Variants in SERPINB1 observed in about 807,000 individuals in gnomAD.
SERPINB1 encodes the protein serpin family B member 1, also known as leukocyte elastase inhibitor.
Under a neutral mutation model 25.9 loss-of-function variants are expected in SERPINB1, and 23 were observed. The observed-to-expected ratio is 0.89, with a 90% CI of 0.64 to 1.26. The LOEUF (loss-of-function observed/expected upper bound fraction) is 1.26. SERPINB1 is among the 50% of genes most tolerant of loss of function. SERPINB1 has a pLI of 0.00. For synonymous variants in SERPINB1, 178 were observed against 178.7 expected (o/e 1.00, Z 0.03); for missense variants, 399 against 463.6 (o/e 0.86, Z 1.28).
intron 1 of SERPINB1, among the ~76,000 whole-genome samples, chr6:2,840,863 A>G (rs1766629227): frequency 6.6e-6 from 1 of 152,042 alleles, no homozygotes; most frequent in African/African-American, 2.4e-5. Context: ...CAGACAGGTG[A>G]GTCTGGGGGT....
At chr6:2,835,023 C>A (rs1191951584) in intron 6 of SERPINB1, among the ~76,000 whole-genome samples, 3 of 152,026 alleles carry the variant, frequency 2.0e-5, no homozygotes, top group Non-Finnish European at 4.4e-5. Flanking sequence ...AGAAAAAAAA[C>A]TAATGCAAAA....
chr6:2,838,373 A>T (rs975170274), intron 3 of SERPINB1, among the ~76,000 whole-genome samples, 176 bp downstream of exon 3: 1 of 152,224 alleles, frequency 6.6e-6, no homozygotes, highest in African/African-American at 2.4e-5. Flanking sequence ...TCACCATGTC[A>T]ATTAAAGTTT....
chr6:2,838,838 G>T (rs544096475), intron 2 of SERPINB1, 152 bp from the exon 3 acceptor site: 1 of 638,030 alleles, frequency 1.6e-6, no homozygotes, highest in East Asian at 3.4e-5. Flanking sequence ...TGTCATTGCA[G>T]AACAAACAAT....
At chr6:2,839,206 A>C (rs1238931020) in intron 2 of SERPINB1, 1 of 527,802 alleles carries the variant, frequency 1.9e-6, no homozygotes, top group Non-Finnish European at 2.4e-6. Flanking sequence ...TTCTGGCAAA[A>C]GTTTAATTCC....
chr6:2,833,498 G>T lies in SERPINB1; in HGVS notation c.*110C>A. 1 of 1,071,514 alleles carries T rather than the reference G, an allele frequency of 9.3e-7. No homozygotes were observed. The highest frequency in any genetic ancestry group is 1.3e-6 in the Non-Finnish European group (1 of 775,486). 66.4% of individuals were successfully genotyped at this position (1,071,514 alleles called of 1,614,324 possible). A position where few individuals can be genotyped will look rare whatever the true frequency, so the allele number is the denominator to read the frequency against. On this transcript the variant is annotated 3_prime_UTR_variant, in exon 7 of 7. Coordinates refer to ENST00000380739, the MANE Select transcript of SERPINB1 (RefSeq NM_030666.4). Reference sequence around the variant, plus strand: ...AACTTACAAAGAAAATGAAAGACTTGTTTCTGAACAGTGGTTTTATTGGTA... The same window carrying T: ...AACTTACAAAGAAAATGAAAGACTTTTTTCTGAACAGTGGTTTTATTGGTA...
intron 3 of SERPINB1, among the ~76,000 whole-genome samples, chr6:2,838,339 C>T (rs1438948477): frequency 6.6e-6 from 1 of 152,206 alleles, no homozygotes; most frequent in Non-Finnish European, 1.5e-5. Flanking sequence ...GCTATCTTTT[C>T]ACTAAAAAGA....
At chr6:2,839,633 T>C (rs1219587245) in intron 2 of SERPINB1, among the ~76,000 whole-genome samples, 1 of 152,172 alleles carries the variant, frequency 6.6e-6, no homozygotes, top group African/African-American at 2.4e-5. Flanking sequence ...TGCAGTGTAA[T>C]TTGCGGCAGG....
rs1766399122 is a variant in SERPINB1 at position 2,833,526 on chromosome 6, G to A, written c.*82C>T. On this transcript the variant is annotated 3_prime_UTR_variant, in exon 7 of 7. Coordinates refer to ENST00000380739, the MANE Select transcript of SERPINB1 (RefSeq NM_030666.4). ...TCTGAACAGTGGTTTTATTGGTAAA[G>A]ATATAAGACATATTGGCTCTATTAA... 6.3e-6 allele frequency: 8 copies of A among 1,275,872 alleles called. No individual in the cohort carries two copies. In the South Asian group the frequency reaches 7.4e-5, roughly 12 times the overall value. The allele number at this position is 1,275,872 out of a possible 1,614,324, so 79.0% of individuals were successfully genotyped here.
intron 6 of SERPINB1, among the ~76,000 whole-genome samples, chr6:2,835,220 T>C (rs1030185213): frequency 4.6e-5 from 7 of 152,216 alleles, no homozygotes; most frequent in Non-Finnish European, 8.8e-5. Flanking sequence ...AAGATCATAC[T>C]AGTAAATAGG....
chr6:2,838,612 T>C lies in SERPINB1; in HGVS notation c.243A>G (p.Gly81=). ...QSLNADINKR[G]ASYILKLANR... ...TAGCAAGTTTCAGAATATAAGACGC[T>C]CCACGTTTGTTGATATCAGCATTCA... Residue 81 remains glycine, a synonymous_variant, in exon 3 of 7, where the codon GGA becomes GGG. Coordinates refer to ENST00000380739, the MANE Select transcript of SERPINB1 (RefSeq NM_030666.4). The C allele has an allele frequency of 6.2e-7, 1 of 1,610,808 alleles. No homozygotes were observed. The highest frequency in any genetic ancestry group is 8.5e-7 in the Non-Finnish European group (1 of 1,178,606).
Position 2,840,527 on chromosome 6 carries a change from A to G in SERPINB1, c.60T>C (p.Ser20=), listed in dbSNP as rs1266294922. The G allele has an allele frequency of 1.2e-6, 2 of 1,614,044 alleles. No homozygotes were observed. The highest frequency in any genetic ancestry group is 1.7e-6 in the Non-Finnish European group (2 of 1,179,996). ...RFALDLFLAL[S]ENNPAGNIFI... is the part of the protein sequence containing the mutation. ...AGATGTTTCCAGCCGGATTGTTCTC[A>G]CTCAACGCCAGGAACAGGTCCAAGG... Residue 20 remains serine (S), a synonymous_variant, in exon 2 of 7, where the codon AGT becomes AGC. Transcript: ENST00000380739.
intron 6 of SERPINB1, among the ~76,000 whole-genome samples, chr6:2,834,310 T>TCCACCCATCCATCCATCCAC (rs56301805): frequency 6.7e-6 from 1 of 150,076 alleles, no homozygotes; most frequent in Non-Finnish European, 1.5e-5. Context: ...CATCCATCCA[T>TCCACCCATCCATCCATCCAC]CCATCCATCC....
At chr6:2,839,298 A>G (rs761041334) in intron 2 of SERPINB1, 81 of 985,234 alleles carry the variant, frequency 8.2e-5, no homozygotes, top group Non-Finnish European at 9.5e-5. Flanking sequence ...GACACAAAGA[A>G]CAAAATTGCA....
At chr6:2,834,659 G>A (rs958734863) in intron 6 of SERPINB1, among the ~76,000 whole-genome samples, 2 of 152,238 alleles carry the variant, frequency 1.3e-5, no homozygotes, top group Non-Finnish European at 2.9e-5. Context: ...TCCAGGTTGA[G>A]TAGTGCTAGA....
In SERPINB1 at chr6:2,837,968, CCAT is replaced by C. The variant is rs1437123692; in HGVS notation, c.335_337del (p.Tyr112_Gly113delinsCys). The C allele has an allele frequency of 6.2e-7, 1 of 1,613,532 alleles. No homozygotes were observed. The highest frequency in any genetic ancestry group is 2.2e-5 in the East Asian group (1 of 44,888). Reference sequence around the variant, plus strand: ...AAAATCCACACTGGCCAGGTCAGCACCATATGTTTTCTGAGTCGAAACCAAGAA... The same window carrying C: ...AAAATCCACACTGGCCAGGTCAGCACATGTTTTCTGAGTCGAAACCAAGAA... On this transcript the variant is annotated inframe_deletion, in exon 4 of 7. Coordinates refer to ENST00000380739, the MANE Select transcript of SERPINB1 (RefSeq NM_030666.4). This position sits in a 1 kb window ranked among gnomAD's most constrained non-coding sequence, Gnocchi z 4.3.
chr6:2,839,335 C>T (rs945399686), intron 2 of SERPINB1: 3 of 985,116 alleles, frequency 3.0e-6, no homozygotes, highest in South Asian at 4.7e-5. Context: ...CATTACTCAC[C>T]GAGATATGGA....
At chr6:2,834,182 G>A (rs1262184) in intron 6 of SERPINB1, among the ~76,000 whole-genome samples, 170 bp from the exon 7 acceptor site, 109,677 of 152,094 alleles carry the variant, frequency 0.72, 39,660 homozygotes, top group Middle Eastern at 0.84. Flanking sequence ...ATGGCAATTG[G>A]TGAAATAGGG....
At chr6:2,840,099 T>G (rs567913901) in intron 2 of SERPINB1, among the ~76,000 whole-genome samples, 1 of 152,240 alleles carries the variant, frequency 6.6e-6, no homozygotes, top group African/African-American at 2.4e-5. Context: ...CTCAGGAGGA[T>G]GTAGTATGCC....
rs770256435 is a variant in SERPINB1, at chr6:2,840,590, GA to G, written c.-5del. ...TTGCTGAGCTCAGCTGCTCCATGGT[GA>G]AAACTGCAACACAGAACAGGGTCCT... On this transcript the variant is annotated 5_prime_UTR_variant, in exon 2 of 7. Transcript: ENST00000380739. 8.7e-6 allele frequency: 14 copies of G among 1,610,454 alleles called. No individual in the cohort carries two copies. In the Admixed American group the frequency reaches 2.2e-4, roughly 25 times the overall value.
Sources: gnomAD v4.1 joint callset for allele counts (sites outside exome capture counted in the v4.1 genomes callset) on GRCh38, gnomAD v4.1.1 for gene constraint, Gnocchi (gnomAD v3.1) non-coding constraint, MANE v1.5 for transcripts, NCBI Gene and HGNC (gene_info 2026-07-23, HGNC 2026-07-21) for gene names.